The following HECW1 variants were observed in gnomAD, a reference collection of about 807,000 sequenced individuals.
HECW1 encodes the protein HECT, C2 and WW domain containing E3 ubiquitin protein ligase 1, also known as E3 ubiquitin-protein ligase HECW1.
A neutral mutation model predicts 182.3 loss-of-function variants in HECW1; 61 were observed. That is an observed-to-expected ratio of 0.33 (90% CI 0.27 to 0.41). The LOEUF is 0.41. HECW1 is among the 10% of genes least tolerant of loss of function. HECW1 has a pLI of 1.00. For missense variants in HECW1, 1,739 were observed against 2,108.9 expected, an observed-to-expected ratio of 0.82 and a Z score of 3.44; for synonymous variants, 859 against 832.6, an observed-to-expected ratio of 1.03 and a Z score of -0.55.
chr7:43,138,598 A>T (rs1355803918), intron 2 of HECW1, among the ~76,000 whole-genome samples: 1 of 152,206 alleles, frequency 6.6e-6, no homozygotes, highest in Admixed American at 6.5e-5. Flanking sequence ...CCCCTATAGA[A>T]TCATCATCTT....
At chr7:43,342,876 A>G (rs36082509) in intron 5 of HECW1, among the ~76,000 whole-genome samples, 76,511 of 150,830 alleles carry the variant, frequency 0.51, 20,468 homozygotes, top group Middle Eastern at 0.66. Flanking sequence ...ATACAAAAAA[A>G]TCAGCTGGTC....
At chr7:43,153,313 A>G (rs1208300908) in intron 2 of HECW1, among the ~76,000 whole-genome samples, 1 of 152,178 alleles carries the variant, frequency 6.6e-6, no homozygotes, top group African/African-American at 2.4e-5. Context: ...CATTGGAAAA[A>G]GAGAATGGAG....
chr7:43,556,629 A>G (rs1453170505), intron 29 of HECW1, among the ~76,000 whole-genome samples: 1 of 152,012 alleles, frequency 6.6e-6, no homozygotes, highest in Non-Finnish European at 1.5e-5. Context: ...CTGAGGCTGC[A>G]GTGAACTGTG....
intron 8 of HECW1, among the ~76,000 whole-genome samples, chr7:43,408,406 G>T (rs1409072725): frequency 6.6e-6 from 1 of 151,918 alleles, no homozygotes; most frequent in Non-Finnish European, 1.5e-5. Context: ...GTAGAAAGTC[G>T]GCACCACTTA....
intron 5 of HECW1, among the ~76,000 whole-genome samples, chr7:43,329,699 C>T (rs1396909212): frequency 6.6e-6 from 1 of 152,102 alleles, no homozygotes; most frequent in Non-Finnish European, 1.5e-5. Flanking sequence ...AGATGCAGCA[C>T]ACAGTTGCCC....
At chr7:43,129,635 A>G (rs28607540) in intron 2 of HECW1, among the ~76,000 whole-genome samples, 3,214 of 152,302 alleles carry the variant, frequency 0.021, 119 homozygotes, top group African/African-American at 0.074. Flanking sequence ...AAACAAAAAC[A>G]AAACGGATAA....
chr7:43,265,748 A>T (rs1304483063), intron 3 of HECW1, among the ~76,000 whole-genome samples: 1 of 152,174 alleles, frequency 6.6e-6, no homozygotes, highest in Non-Finnish European at 1.5e-5. Flanking sequence ...GGCTGCTCCC[A>T]CTTCAGGCAT....
At chr7:43,383,531 C>T (rs1184691008) in intron 6 of HECW1, among the ~76,000 whole-genome samples, 1 of 152,152 alleles carries the variant, frequency 6.6e-6, no homozygotes, top group African/African-American at 2.4e-5. Context: ...CTCTAATGAC[C>T]AGTGATGATG....
chr7:43,381,414 T>C (rs1562911597), intron 6 of HECW1, among the ~76,000 whole-genome samples: 1 of 152,016 alleles, frequency 6.6e-6, no homozygotes, highest in East Asian at 1.9e-4. Flanking sequence ...CTTGAACTCC[T>C]GGGCTCAAGC....
At chr7:43,354,938 T>C (rs1477583499) in intron 5 of HECW1, among the ~76,000 whole-genome samples, 1 of 149,094 alleles carries the variant, frequency 6.7e-6, no homozygotes, top group East Asian at 2.0e-4. Context: ...AAAGAACATA[T>C]AAAGGAACTC....
chr7:43,168,247 A>T (rs746082371), intron 2 of HECW1, among the ~76,000 whole-genome samples: 1 of 152,306 alleles, frequency 6.6e-6, no homozygotes, highest in East Asian at 1.9e-4. Context: ...GACCACAATT[A>T]TATGTTCAGC....
intron 24 of HECW1, among the ~76,000 whole-genome samples, chr7:43,530,504 T>TATGG (rs71011921): frequency 0.023 from 3,461 of 150,496 alleles, 130 homozygotes; most frequent in African/African-American, 0.075. Flanking sequence ...CCATATCTTT[T>TATGG]ATGGATGGAT....
intron 2 of HECW1, among the ~76,000 whole-genome samples, chr7:43,176,155 A>G (rs932309762): frequency 6.6e-6 from 1 of 152,216 alleles, no homozygotes; most frequent in Non-Finnish European, 1.5e-5. Flanking sequence ...AAATAATGGC[A>G]AACATTTGTA....
At position 43,243,742 on chromosome 7, in the gene HECW1, C is replaced by G; in HGVS notation, c.-31-133C>G. On this transcript the variant is annotated intron_variant, in intron 2 of 29. Transcript: ENST00000395891. This position sits in a 1 kb window ranked among gnomAD's most constrained non-coding sequence, Gnocchi z 4.0. The stretch of plus-strand genomic sequence containing the variant: ...GAGTGTGGTCCTTGTGTGATTTTTC[C>G]TTTTGCACGTCGGTTGCCCAGGCCA... The G allele has an allele frequency of 1.4e-6, 1 of 711,050 alleles. No homozygotes were observed. Among genetic ancestry groups the G allele is most frequent in the South Asian group, 1.5e-5 (1 of 65,014 alleles). The allele number at this position is 711,050 out of a possible 1,614,324, so 44.0% of individuals were successfully genotyped here. A position where few individuals can be genotyped will look rare whatever the true frequency, so the allele number is the denominator to read the frequency against.
At chr7:43,164,204 A>G (rs1055940932) in intron 2 of HECW1, among the ~76,000 whole-genome samples, 6 of 152,198 alleles carry the variant, frequency 3.9e-5, no homozygotes, top group African/African-American at 1.2e-4. Flanking sequence ...TCTGGTCTGC[A>G]TGGGCTGGAG....
At chr7:43,503,260 T>C (rs1182108531) in intron 21 of HECW1, among the ~76,000 whole-genome samples, 2 of 152,162 alleles carry the variant, frequency 1.3e-5, no homozygotes, top group African/African-American at 4.8e-5. Flanking sequence ...CACACACTTT[T>C]AGCACTCATA....
chr7:43,450,965 T>C, intron 12 of HECW1, 36 bp downstream of exon 12: 3 of 1,383,990 alleles, frequency 2.2e-6, no homozygotes, highest in Non-Finnish European at 3.1e-6. Context: ...GTCTTAACTC[T>C]TCCTATCAAG....
intron 2 of HECW1, among the ~76,000 whole-genome samples, chr7:43,239,402 G>T (rs1584121295): frequency 6.6e-6 from 1 of 152,242 alleles, no homozygotes; most frequent in Non-Finnish European, 1.5e-5. Flanking sequence ...TGCACACACA[G>T]GCTTTCCCTT....
chr7:43,493,946 TGTGTAAAG>T (rs1203773683), intron 19 of HECW1, among the ~76,000 whole-genome samples: 12 of 152,254 alleles, frequency 7.9e-5, no homozygotes, highest in African/African-American at 2.9e-4. Context: ...TACTTGAGGA[TGTGTAAAG>T]GTTAAGGCAG....
Sources: gnomAD v4.1 joint callset for allele counts (sites outside exome capture counted in the v4.1 genomes callset) on GRCh38, gnomAD v4.1.1 for gene constraint, Gnocchi (gnomAD v3.1) non-coding constraint, MANE v1.5 for transcripts, NCBI Gene and HGNC (gene_info 2026-07-23, HGNC 2026-07-21) for gene names.